MARCHF3: variants seen among roughly 807,000 people sequenced by gnomAD.
MARCHF3 encodes E3 ubiquitin-protein ligase MARCHF3.
In MARCHF3, 13 loss-of-function variants were observed where a neutral mutation model predicts 24.2. That is an observed-to-expected ratio of 0.54 (90% CI 0.35 to 0.85). The LOEUF is 0.85. MARCHF3 is among the 40% of genes least tolerant of loss of function. The pLI is 0.01. For missense variants in MARCHF3, 276 were observed against 325.0 expected (o/e 0.85, Z 1.16); for synonymous variants, 144 against 137.3 (o/e 1.05, Z -0.34).
At chr5:126,875,279 G>C (rs1230711737) in intron 4 of MARCHF3, among the ~76,000 whole-genome samples, 1 of 152,144 alleles carries the variant, frequency 6.6e-6, no homozygotes, top group African/African-American at 2.4e-5. Context: ...AACACAGCAG[G>C]TTCCAGAAGG....
At chr5:127,014,600 T>A (rs966926976) in intron 1 of MARCHF3, among the ~76,000 whole-genome samples, 4 of 152,188 alleles carry the variant, frequency 2.6e-5, no homozygotes, top group Non-Finnish European at 5.9e-5. Flanking sequence ...GTGGTATATA[T>A]ACACAATGGA....
At chr5:126,944,573 C>G (rs202042172) in intron 1 of MARCHF3, among the ~76,000 whole-genome samples, 1 of 152,154 alleles carries the variant, frequency 6.6e-6, no homozygotes, top group African/African-American at 2.4e-5. Context: ...AAGAGCGACA[C>G]CCTGTCTCAA....
At chr5:126,895,035 C>A (rs1753825976) in intron 3 of MARCHF3, among the ~76,000 whole-genome samples, 1 of 152,032 alleles carries the variant, frequency 6.6e-6, no homozygotes, top group African/African-American at 2.4e-5. Flanking sequence ...CTCTAAACTT[C>A]CCTTCTCGCT....
At chr5:126,939,328 A>G (rs538202644) in intron 1 of MARCHF3, among the ~76,000 whole-genome samples, 6 of 152,292 alleles carry the variant, frequency 3.9e-5, no homozygotes, top group Non-Finnish European at 8.8e-5. Context: ...CTAAAGTGTT[A>G]TAAGTTGTTT....
chr5:126,914,671 T>C lies in MARCHF3; in HGVS notation c.393+259A>G, dbSNP rs148778315. The C allele has an allele frequency of 4.1e-4, 231 of 560,660 alleles. 2 individuals are homozygous for C. The highest frequency in any genetic ancestry group is 3.7e-3 in the African/African-American group (198 of 53,548). 34.7% of individuals were successfully genotyped at this position (560,660 alleles called of 1,614,324 possible). A position where few individuals can be genotyped will look rare whatever the true frequency, so the allele number is the denominator to read the frequency against. On this transcript the variant is annotated intron_variant, in intron 3 of 4. Coordinates refer to ENST00000308660, the MANE Select transcript of MARCHF3 (RefSeq NM_178450.5). The stretch of plus-strand genomic sequence containing the variant: ...TCTCTAAACTGGCCCTTTCTCCTTA[T>C]ACTAATTTATTCTGCTTTCCTTCTA...
intron 1 of MARCHF3, among the ~76,000 whole-genome samples, chr5:127,015,837 G>A (rs935339017): frequency 1.3e-5 from 2 of 152,120 alleles, no homozygotes; most frequent in African/African-American, 4.8e-5. Flanking sequence ...GAATTCATAA[G>A]TTTTAAACTG....
At chr5:126,979,496 C>A (rs926807653) in intron 1 of MARCHF3, among the ~76,000 whole-genome samples, 2 of 152,170 alleles carry the variant, frequency 1.3e-5, no homozygotes, top group Non-Finnish European at 2.9e-5. Context: ...GGAATGAATG[C>A]TGAATGATGG....
intron 3 of MARCHF3, chr5:126,899,199 T>A: frequency 1.0e-6 from 1 of 985,242 alleles, no homozygotes; most frequent in Non-Finnish European, 1.2e-6. Context: ...CCATGAAGAA[T>A]GAGGAGGACG....
intron 1 of MARCHF3, among the ~76,000 whole-genome samples, chr5:126,956,702 AAAC>A (rs1404763475): frequency 2.0e-5 from 3 of 151,452 alleles, no homozygotes; most frequent in African/African-American, 7.3e-5. Flanking sequence ...ACAAAAAAAC[AAAC>A]AATAACAAAA....
chr5:126,895,814 C>T (rs1327776687), intron 3 of MARCHF3, among the ~76,000 whole-genome samples: 4 of 152,154 alleles, frequency 2.6e-5, no homozygotes, highest in Non-Finnish European at 4.4e-5. Context: ...GGCAGGCAGG[C>T]CTCCCTGAGC....
chr5:127,011,753 C>T (rs77099653), intron 1 of MARCHF3, among the ~76,000 whole-genome samples: 1 of 152,128 alleles, frequency 6.6e-6, no homozygotes, highest in Non-Finnish European at 1.5e-5. Context: ...TCCTTGTTAA[C>T]AATTTCAAAC....
intron 1 of MARCHF3, among the ~76,000 whole-genome samples, chr5:126,951,246 T>C (rs1257442227): frequency 6.6e-6 from 1 of 152,206 alleles, no homozygotes; most frequent in Non-Finnish European, 1.5e-5. Flanking sequence ...TGATGCTCTT[T>C]ACTAGTTCCT....
At chr5:126,932,115 G>A (rs1749496908) in intron 1 of MARCHF3, among the ~76,000 whole-genome samples, 1 of 152,250 alleles carries the variant, frequency 6.6e-6, no homozygotes, top group South Asian at 2.1e-4. Context: ...AGCCTCAAAT[G>A]TTTCCAGGGT....
intron 3 of MARCHF3, among the ~76,000 whole-genome samples, chr5:126,895,846 G>A (rs1019562807): frequency 6.6e-6 from 1 of 152,160 alleles, no homozygotes; most frequent in Non-Finnish European, 1.5e-5. Context: ...CCACCCAGTT[G>A]GAGCTTCCGG....
At chr5:127,004,974 G>GA (rs1554072509) in intron 1 of MARCHF3, among the ~76,000 whole-genome samples, 1 of 151,144 alleles carries the variant, frequency 6.6e-6, no homozygotes, top group East Asian at 1.9e-4. Context: ...AAAAAAAAAA[G>GA]TTTTTCCTAA....
chr5:126,897,378 T>C (rs896232996), intron 3 of MARCHF3, among the ~76,000 whole-genome samples: 1 of 151,918 alleles, frequency 6.6e-6, no homozygotes, highest in African/African-American at 2.4e-5. Context: ...CTTCTGAGAA[T>C]TGTCATTTAT....
At chr5:126,905,406 A>G (rs1428351009) in intron 3 of MARCHF3, among the ~76,000 whole-genome samples, 2 of 144,614 alleles carry the variant, frequency 1.4e-5, no homozygotes, top group Non-Finnish European at 3.0e-5. Flanking sequence ...TACCTTGGGC[A>G]GTATGGCCAT....
At chr5:126,970,374 C>T (rs890464893) in intron 1 of MARCHF3, among the ~76,000 whole-genome samples, 2 of 152,206 alleles carry the variant, frequency 1.3e-5, no homozygotes, top group Non-Finnish European at 2.9e-5. Context: ...AGGTGTGAGC[C>T]ACTGCGCCCA....
At chr5:127,025,901 T>C (rs538500775) in intron 1 of MARCHF3, among the ~76,000 whole-genome samples, 2 of 151,752 alleles carry the variant, frequency 1.3e-5, no homozygotes, top group Admixed American at 1.3e-4. Flanking sequence ...GTTGGGAACT[T>C]AAGGGGGCAT....
Sources: gnomAD v4.1 joint callset for allele counts (sites outside exome capture counted in the v4.1 genomes callset) on GRCh38, gnomAD v4.1.1 for gene constraint, MANE v1.5 for transcripts, NCBI Gene and HGNC (gene_info 2026-07-23, HGNC 2026-07-21) for gene names.